Variants in PRKG1 observed in about 807,000 individuals in gnomAD.
PRKG1 encodes cGMP-dependent protein kinase 1.
A neutral mutation model predicts 88.1 loss-of-function variants in PRKG1; 35 were observed. That is an observed-to-expected ratio of 0.40 (90% CI 0.30 to 0.53). The LOEUF (loss-of-function observed/expected upper bound fraction) is 0.53, where lower values mean the gene tolerates loss of function less well. Among genes scored for constraint, PRKG1 ranks in the 20% least tolerant of loss-of-function variants. The probability of loss-of-function intolerance (pLI) is 0.59; values close to 1 mark genes in which losing one functional copy is unlikely to be tolerated. For missense variants in PRKG1, 540 were observed against 839.8 expected (o/e 0.64, Z 4.41); for synonymous variants, 303 against 292.5 (o/e 1.04, Z -0.37).
chr10:52,095,706 G>A (rs1341954362), intron 7 of PRKG1, among the ~76,000 whole-genome samples: 1 of 152,170 alleles, frequency 6.6e-6, no homozygotes, highest in Non-Finnish European at 1.5e-5. Context: ...CCTAAGGAGT[G>A]TGTAGCCTAG....
intron 2 of PRKG1, among the ~76,000 whole-genome samples, chr10:51,422,963 T>C (rs1213077465): frequency 6.8e-6 from 1 of 147,248 alleles, no homozygotes; most frequent in African/African-American, 2.6e-5. Context: ...TGAAATAGGT[T>C]TTTTTTTTTT....
intron 2 of PRKG1, among the ~76,000 whole-genome samples, chr10:51,267,314 G>C (rs1001934819): frequency 1.3e-5 from 2 of 151,964 alleles, no homozygotes; most frequent in African/African-American, 4.8e-5. Context: ...CCCGATTTTT[G>C]TTAACATCAT....
intron 1 of PRKG1, among the ~76,000 whole-genome samples, chr10:51,093,271 C>G (rs149507647): frequency 2.0e-5 from 3 of 152,282 alleles, no homozygotes; most frequent in South Asian, 2.1e-4. Context: ...AACCACCCAT[C>G]TAGGTGATTC....
At chr10:51,443,222 T>C (rs553748530) in intron 2 of PRKG1, among the ~76,000 whole-genome samples, 4 of 152,172 alleles carry the variant, frequency 2.6e-5, no homozygotes, top group African/African-American at 9.6e-5. Context: ...TCTCAGCCTA[T>C]TTTTGTAAAT....
chr10:51,904,509 G>C (rs1269585724), intron 4 of PRKG1, among the ~76,000 whole-genome samples: 1 of 152,002 alleles, frequency 6.6e-6, no homozygotes, highest in Non-Finnish European at 1.5e-5. Context: ...GTCATTTTTA[G>C]AAAGCAAATT....
chr10:51,859,755 C>T (rs905715458), intron 4 of PRKG1, among the ~76,000 whole-genome samples: 1 of 152,154 alleles, frequency 6.6e-6, no homozygotes, highest in Non-Finnish European at 1.5e-5. Flanking sequence ...ATACTGCCCA[C>T]CATGTATTCT....
intron 2 of PRKG1, among the ~76,000 whole-genome samples, chr10:51,191,213 A>G (rs1269008999): frequency 6.6e-6 from 1 of 151,838 alleles, no homozygotes; most frequent in African/African-American, 2.4e-5. Flanking sequence ...AATAATACTC[A>G]GTGTGGTTTC....
At chr10:51,743,035 CTTAAAGTAAAA>C (rs1429514759) in intron 3 of PRKG1, among the ~76,000 whole-genome samples, 2 of 151,710 alleles carry the variant, frequency 1.3e-5, no homozygotes, top group East Asian at 3.9e-4. Flanking sequence ...TATCCCAGAA[CTTAAAGTAAAA>C]TTAAAAAGAG....
At chr10:52,087,113 G>A (rs1846936374) in intron 7 of PRKG1, among the ~76,000 whole-genome samples, 1 of 152,084 alleles carries the variant, frequency 6.6e-6, no homozygotes, top group African/African-American at 2.4e-5. Flanking sequence ...GCCAAACCAT[G>A]CCAGATACTT....
chr10:52,066,566 G>T (rs1846359517), intron 7 of PRKG1, among the ~76,000 whole-genome samples: 1 of 152,062 alleles, frequency 6.6e-6, no homozygotes, highest in African/African-American at 2.4e-5. Flanking sequence ...AGTGGATAGG[G>T]GTTATGAGCT....
At chr10:51,436,633 CT>C (rs1394740658) in intron 2 of PRKG1, among the ~76,000 whole-genome samples, 4 of 151,946 alleles carry the variant, frequency 2.6e-5, no homozygotes, top group Non-Finnish European at 5.9e-5. Flanking sequence ...TCAAGGCAGC[CT>C]TAGTAATTGG....
chr10:51,741,355 G>T (rs1429060918), intron 3 of PRKG1, among the ~76,000 whole-genome samples: 2 of 151,718 alleles, frequency 1.3e-5, no homozygotes, highest in Non-Finnish European at 2.9e-5. Flanking sequence ...TTATTGACAG[G>T]CTTTTATTAT....
At chr10:51,102,195 A>G (rs1844703481) in intron 1 of PRKG1, among the ~76,000 whole-genome samples, 2 of 152,162 alleles carry the variant, frequency 1.3e-5, no homozygotes, top group African/African-American at 4.8e-5. Context: ...TAAGTGATGA[A>G]TTTCTTTGTG....
At chr10:52,002,870 A>T (rs973499058) in intron 5 of PRKG1, among the ~76,000 whole-genome samples, 5 of 152,172 alleles carry the variant, frequency 3.3e-5, no homozygotes, top group African/African-American at 1.2e-4. Context: ...TACCAATTAA[A>T]ATATTTTTTT....
chr10:51,948,045 TTTATAAATGGTATTTATTTTTTTCA>T (rs1843094065), intron 5 of PRKG1, among the ~76,000 whole-genome samples: 1 of 152,178 alleles, frequency 6.6e-6, no homozygotes, highest in Admixed American at 6.5e-5. Flanking sequence ...TTATTACTTT[TTTATAAATGGTATTTATTTTTTTCA>T]TTATATATTT....
chr10:52,094,125 T>C (rs1439206760), intron 7 of PRKG1, among the ~76,000 whole-genome samples: 1 of 152,158 alleles, frequency 6.6e-6, no homozygotes, highest in East Asian at 1.9e-4. Flanking sequence ...TAATATAGAA[T>C]AGATTAATGA....
chr10:51,644,254 G>C lies in PRKG1; in HGVS notation c.593-160331G>C, dbSNP rs183854129. Among the ~76,000 whole-genome samples, 31 of 152,228 alleles carry C rather than the reference G, an allele frequency of 2.0e-4. 1 individual carries two copies. In the East Asian group the frequency reaches 5.6e-3, roughly 28 times the overall value. On this transcript the variant is annotated intron_variant, in intron 3 of 17. Coordinates refer to ENST00000373980, the MANE Select transcript of PRKG1 (RefSeq NM_006258.4). ...AAGTTGGATCTAAACTCTGGATCAAGATTCTGTTTTGTGTTTTTGTTCTTG... is the reference window on the plus strand; with the variant it reads ...AAGTTGGATCTAAACTCTGGATCAACATTCTGTTTTGTGTTTTTGTTCTTG...
chr10:51,973,653 A>G (rs1226666787), intron 5 of PRKG1, among the ~76,000 whole-genome samples: 1 of 152,172 alleles, frequency 6.6e-6, no homozygotes, highest in African/African-American at 2.4e-5. Context: ...TTCATCTTCA[A>G]TGACTTTATT....
intron 5 of PRKG1, among the ~76,000 whole-genome samples, chr10:51,959,425 G>A (rs373672679): frequency 1.9e-4 from 29 of 152,178 alleles, no homozygotes; most frequent in East Asian, 1.7e-3. Context: ...GTACTGCTGC[G>A]CAACTGAAGG....
Sources: gnomAD v4.1 joint callset for allele counts (sites outside exome capture counted in the v4.1 genomes callset) on GRCh38, gnomAD v4.1.1 for gene constraint, MANE v1.5 for transcripts, NCBI Gene and HGNC (gene_info 2026-07-23, HGNC 2026-07-21) for gene names.